ROBO2: variants seen among roughly 807,000 people sequenced by gnomAD.
ROBO2 encodes roundabout guidance receptor 2, also known as roundabout homolog 2.
Under a neutral mutation model 160.8 loss-of-function variants are expected in ROBO2, and 53 were observed. The ratio of observed to expected loss-of-function variants is 0.33; its 90% confidence interval spans 0.26 to 0.41. The LOEUF is 0.41. ROBO2 is among the 10% of genes least tolerant of loss of function. The pLI is 1.00. For synonymous variants in ROBO2, 664 were observed against 611.7 expected (o/e 1.09, Z -1.26); for missense variants, 1,577 against 1,722.4 (o/e 0.92, Z 1.49).
rs889781408 is a variant in ROBO2, at chr3:77,457,092, A to G, written c.389-20322A>G. 3.9e-5 allele frequency among the ~76,000 whole-genome samples: 6 copies of G among 152,200 alleles called. No individual in the cohort carries two copies. In the East Asian group the frequency reaches 5.8e-4, roughly 15 times the overall value. ...ACACCAAGCTTTGCCATATGTGAGC[A>G]ATCTACAGGCACTATTAGCCCCGCT... is the stretch of plus-strand genomic sequence containing the variant. On this transcript the variant is annotated intron_variant, in intron 2 of 25. Transcript: ENST00000461745.
chr3:77,117,053 G>T (rs534921597), intron 2 of ROBO2, among the ~76,000 whole-genome samples: 51 of 152,190 alleles, frequency 3.4e-4, no homozygotes, highest in Non-Finnish European at 7.2e-4. Flanking sequence ...GACGAGTTCT[G>T]CACCTATACT....
chr3:76,968,795 T>C (rs936001979), intron 2 of ROBO2, among the ~76,000 whole-genome samples: 1 of 152,228 alleles, frequency 6.6e-6, no homozygotes, highest in Non-Finnish European at 1.5e-5. Flanking sequence ...CAGCTAAATA[T>C]GTGACATTCT....
At chr3:77,524,179 G>T (rs1484506337) in intron 6 of ROBO2, among the ~76,000 whole-genome samples, 1 of 151,016 alleles carries the variant, frequency 6.6e-6, no homozygotes, top group Non-Finnish European at 1.5e-5. Context: ...TGTGAATTTA[G>T]ATACAAAACA....
Position 76,984,002 on chromosome 3 carries a change from G to A in ROBO2, c.110-114012G>A, listed in dbSNP as rs960203896. On this transcript the variant is annotated intron_variant, in intron 2 of 26. Coordinates refer to the ROBO2 transcript ENST00000487694. ...AGGAGACGCAGGCACCTTGTTCACA[G>A]GGCAGCAGGATGGAGTGAGTGCCAG... Among the ~76,000 whole-genome samples the A allele has an allele frequency of 1.1e-4, 17 of 152,182 alleles. 1 individual carries two copies. The highest frequency in any genetic ancestry group is 4.1e-4 in the African/African-American group (17 of 41,438).
At chr3:77,213,035 T>C (rs1218951773) in intron 2 of ROBO2, among the ~76,000 whole-genome samples, 3 of 152,180 alleles carry the variant, frequency 2.0e-5, no homozygotes, top group Admixed American at 2.0e-4. Flanking sequence ...TCTAAAATTC[T>C]CTTTTTTTTG....
chr3:77,355,189 C>CTTCCTCCCATCCCCATATCCT (rs2068924383), intron 2 of ROBO2, among the ~76,000 whole-genome samples: 1 of 81,976 alleles, frequency 1.2e-5, no homozygotes, highest in Non-Finnish European at 2.9e-5. Context: ...CCCCTTACCC[C>CTTCCTCCCATCCCCATATCCT]AGGAGCTCTA....
rs188820484 is a variant in ROBO2, at chr3:76,886,223, G to A, written c.110-211791G>A. Among the ~76,000 whole-genome samples the A allele has an allele frequency of 2.5e-4, 38 of 149,256 alleles. No individual in the cohort carries two copies. The South Asian group carries it at 3.2e-3, about 12-fold the overall frequency. On this transcript the variant is annotated intron_variant, in intron 2 of 26. Transcript: ENST00000487694. ...CATAAACTTTTTCTTGAGATTCTAC[G>A]CCTTTTATAGCTAGGAGAATAACCA...
chr3:76,437,929 A>G (rs988777476), intron 2 of ROBO2, among the ~76,000 whole-genome samples: 2 of 152,176 alleles, frequency 1.3e-5, no homozygotes, highest in African/African-American at 4.8e-5. Context: ...CATTGCGACA[A>G]CATGGGAAGG....
At chr3:76,763,153 T>A (rs1286728779) in intron 2 of ROBO2, among the ~76,000 whole-genome samples, 1 of 146,972 alleles carries the variant, frequency 6.8e-6, no homozygotes, top group Non-Finnish European at 1.5e-5. Flanking sequence ...TGCGTGAACA[T>A]TCTTAACATC....
chr3:77,103,558 A>G (rs572897500), intron 2 of ROBO2, among the ~76,000 whole-genome samples: 31 of 152,346 alleles, frequency 2.0e-4, no homozygotes, highest in Non-Finnish European at 3.7e-4. Flanking sequence ...GATGTGATTC[A>G]TAATTCAAGT....
intron 2 of ROBO2, among the ~76,000 whole-genome samples, chr3:76,263,889 A>G (rs1706928842): frequency 6.6e-6 from 1 of 152,176 alleles, no homozygotes; most frequent in Non-Finnish European, 1.5e-5. Flanking sequence ...CTATGCAGCC[A>G]TAAAAAAGAA....
chr3:77,117,458 G>T (rs1257493027), intron 2 of ROBO2, among the ~76,000 whole-genome samples: 1 of 151,934 alleles, frequency 6.6e-6, no homozygotes, highest in African/African-American at 2.4e-5. Flanking sequence ...TTAACCCAAG[G>T]GAGTTCTAGT....
At chr3:76,710,442 A>C (rs264554) in intron 2 of ROBO2, among the ~76,000 whole-genome samples, 12,078 of 152,184 alleles carry the variant, frequency 0.079, 605 homozygotes, top group African/African-American at 0.12. Flanking sequence ...TATTCAGAAA[A>C]AGGCTAGGCT....
chr3:76,970,302 A>G (rs2059512120), intron 2 of ROBO2, among the ~76,000 whole-genome samples: 1 of 152,184 alleles, frequency 6.6e-6, no homozygotes, highest in Non-Finnish European at 1.5e-5. Context: ...TTAAGTAAAT[A>G]CCACTGTATG....
At chr3:77,388,166 A>G (rs2074334110) in intron 2 of ROBO2, among the ~76,000 whole-genome samples, 1 of 151,922 alleles carries the variant, frequency 6.6e-6, no homozygotes, top group South Asian at 2.1e-4. Flanking sequence ...ACACACACAC[A>G]CACACAAGCA....
chr3:77,134,248 CCA>C (rs2076093504), intron 2 of ROBO2, among the ~76,000 whole-genome samples: 2 of 152,138 alleles, frequency 1.3e-5, no homozygotes, highest in Admixed American at 1.3e-4. Flanking sequence ...AAAGCTATTT[CCA>C]CAGAGTCTTT....
chr3:76,824,767 A>G (rs1035308370), intron 2 of ROBO2, among the ~76,000 whole-genome samples: 2 of 152,166 alleles, frequency 1.3e-5, no homozygotes, highest in Admixed American at 6.5e-5. Context: ...CGAGGCTGAG[A>G]CAGAGTACCC....
intron 2 of ROBO2, among the ~76,000 whole-genome samples, chr3:76,514,128 G>A (rs2081239867): frequency 6.6e-6 from 1 of 152,150 alleles, no homozygotes; most frequent in African/African-American, 2.4e-5. Context: ...TGAAAAAAGT[G>A]TGTCATTTGT....
At chr3:76,638,387 T>A (rs974811754) in intron 2 of ROBO2, among the ~76,000 whole-genome samples, 1 of 152,130 alleles carries the variant, frequency 6.6e-6, no homozygotes, top group Non-Finnish European at 1.5e-5. Flanking sequence ...TGGTGGTCAA[T>A]AATTCAAAGT....
Sources: gnomAD v4.1 joint callset for allele counts (sites outside exome capture counted in the v4.1 genomes callset) on GRCh38, gnomAD v4.1.1 for gene constraint, MANE v1.5 for transcripts, NCBI Gene and HGNC (gene_info 2026-07-23, HGNC 2026-07-21) for gene names.